The following CPS1 variants were observed in gnomAD, a reference collection of about 807,000 sequenced individuals.
CPS1 encodes carbamoyl-phosphate synthase 1.
CPS1 carries 109 observed loss-of-function variants against 174.6 expected under a neutral mutation model. The ratio of observed to expected loss-of-function variants is 0.62; its 90% CI spans 0.53 to 0.73. The LOEUF (loss-of-function observed/expected upper bound fraction) is 0.73, where lower values mean the gene tolerates loss of function less well. Among genes scored for constraint, CPS1 ranks in the 30% least tolerant of loss-of-function variants. The pLI, the probability that CPS1 is intolerant of heterozygous loss-of-function variation, is 0.00. For missense variants in CPS1, 1,689 were observed against 1,821.9 expected, an observed-to-expected ratio of 0.93 and a Z score of 1.33; for synonymous variants, 637 against 632.0, an observed-to-expected ratio of 1.01 and a Z score of -0.12.
chr2:210,522,865 G>T (rs1695865630), intron 1 of CPS1, among the ~76,000 whole-genome samples: 1 of 151,852 alleles, frequency 6.6e-6, no homozygotes, highest in Non-Finnish European at 1.5e-5. Flanking sequence ...CTGTTGTATT[G>T]GAAATCATTT....
At chr2:210,502,889 G>T (rs972960162) in intron 1 of CPS1, among the ~76,000 whole-genome samples, 17 of 152,132 alleles carry the variant, frequency 1.1e-4, no homozygotes, top group Non-Finnish European at 2.1e-4. Context: ...TGTTTCTCAA[G>T]GCTTGATTCA....
In CPS1 at chr2:210,612,097, G is replaced by T. The variant is rs923150105; in HGVS notation, c.2392-20G>T. 3.1e-6 allele frequency: 5 copies of T among 1,608,556 alleles called. No individual in the cohort carries two copies. On this transcript the variant is annotated intron_variant, in intron 19 of 37. Transcript: ENST00000233072. ...CATAAGCTCTTTCTTTCAATATGAG[G>T]TCTTAAACATGTATTACAGGTCATG...
intron 1 of CPS1, among the ~76,000 whole-genome samples, chr2:210,564,871 T>C (rs1312963044): frequency 6.6e-6 from 1 of 152,008 alleles, no homozygotes; most frequent in Non-Finnish European, 1.5e-5. Flanking sequence ...GCAAAGTGCC[T>C]GTAATCTCAG....
At chr2:210,616,314 C>A in intron 20 of CPS1, 109 bp from the exon 21 acceptor site, 2 of 780,480 alleles carry the variant, frequency 2.6e-6, no homozygotes, top group Non-Finnish European at 4.6e-6. Context: ...AGTCTACAGT[C>A]TCGGGCTCTC....
At chr2:210,500,518 A>G (rs1032353038) in intron 1 of CPS1, among the ~76,000 whole-genome samples, 1 of 152,208 alleles carries the variant, frequency 6.6e-6, no homozygotes, top group Non-Finnish European at 1.5e-5. Context: ...AAATTGGCCA[A>G]AACAAAGGGT....
At chr2:210,554,568 ATATAT>A (rs1233127495), upstream of CPS1, among the ~76,000 whole-genome samples, 3 of 151,840 alleles carry the variant, frequency 2.0e-5, no homozygotes, top group South Asian at 2.1e-4. Context: ...AAGGGAGGAA[ATATAT>A]TATAGTATTC....
At chr2:210,598,956 T>A (rs535442226) in intron 13 of CPS1, among the ~76,000 whole-genome samples, 7 of 152,110 alleles carry the variant, frequency 4.6e-5, no homozygotes, top group Middle Eastern at 3.4e-3. Flanking sequence ...ATTGACCACA[T>A]AATTATAAGC....
Position 210,647,902 on chromosome 2 carries a change from C to A in CPS1, c.3181C>A (p.Pro1061Thr). 6.2e-7 allele frequency: 1 copy of A among 1,614,000 alleles called. No homozygotes were observed. Among genetic ancestry groups the A allele is most frequent in the Non-Finnish European group, 8.5e-7 (1 of 1,179,934 alleles). Residue 1061 changes from proline (P) to threonine (T), a missense_variant, in exon 26 of 38, where the codon CCA (proline) becomes ACA (threonine). Transcript: ENST00000233072. ...GCIISVGGQIPNNLAVPLYKN... is the reference protein window; with the variant it reads ...GCIISVGGQITNNLAVPLYKN... ...CATCATATCAGTTGGAGGCCAGATTCCAAACAACCTGGCAGTTCCTCTATA... is the reference window on the plus strand; with the variant it reads ...CATCATATCAGTTGGAGGCCAGATTACAAACAACCTGGCAGTTCCTCTATA...
chr2:210,571,694 C>G (rs764781644), intron 1 of CPS1, among the ~76,000 whole-genome samples: 1 of 151,918 alleles, frequency 6.6e-6, no homozygotes, highest in Non-Finnish European at 1.5e-5. Flanking sequence ...TGCTTTGGAT[C>G]TAAAAGAGGC....
intron 1 of CPS1, among the ~76,000 whole-genome samples, chr2:210,496,012 A>G (rs1260274956): frequency 6.6e-6 from 1 of 151,800 alleles, no homozygotes; most frequent in Admixed American, 6.6e-5. Flanking sequence ...TCCTTGCTGC[A>G]AAATAAAGGC....
intron 34 of CPS1, chr2:210,673,881 G>C (rs940411611): frequency 6.6e-6 from 1 of 151,896 alleles, no homozygotes; most frequent in Non-Finnish European, 1.5e-5. Context: ...GTTTAATAAG[G>C]TGTGGAGCCT....
intron 34 of CPS1, among the ~76,000 whole-genome samples, chr2:210,669,989 A>G (rs1188547265): frequency 1.3e-5 from 2 of 152,104 alleles, no homozygotes; most frequent in Admixed American, 6.6e-5. Context: ...TTTGATCCCT[A>G]TGAAGTATTT....
intron 1 of CPS1, among the ~76,000 whole-genome samples, 195 bp downstream of exon 1, chr2:210,557,054 A>AT (rs1371923281): frequency 6.6e-6 from 1 of 152,060 alleles, no homozygotes; most frequent in African/African-American, 2.4e-5. Context: ...CATGACAGTA[A>AT]TTTTTACCCA....
chr2:210,498,214 A>T (rs899815900), intron 1 of CPS1, among the ~76,000 whole-genome samples: 2 of 151,838 alleles, frequency 1.3e-5, no homozygotes, highest in South Asian at 4.2e-4. Context: ...AAGATGACAT[A>T]TGTTGTATGT....
At chr2:210,577,772 GAT>G (rs1462528141) in intron 4 of CPS1, among the ~76,000 whole-genome samples, 1 of 152,082 alleles carries the variant, frequency 6.6e-6, no homozygotes, top group African/African-American at 2.4e-5. Flanking sequence ...GGAGGGGTAA[GAT>G]AAAATTTTAG....
At position 210,582,711 on chromosome 2, in the gene CPS1, T is replaced by TGAG. The variant is rs1305588177; in HGVS notation, c.621+4_621+6dup. On this transcript the variant is annotated splice_region_variant and intron_variant, in intron 6 of 37. Coordinates refer to ENST00000233072, the MANE Select transcript of CPS1 (RefSeq NM_001875.5). ...TTGATTGCTGAGGTTTCAACCAAGG[T>TGAG]GAGGGGTTTTCCTTTATATTTTGTA... The TGAG allele has an allele frequency of 6.2e-7, 1 of 1,605,264 alleles. No individual in the cohort carries two copies. The highest frequency in any genetic ancestry group is 2.2e-5 in the East Asian group (1 of 44,806).
At position 210,564,623 on chromosome 2, in the gene CPS1, G is replaced by A. The variant is rs371473376; in HGVS notation, c.126+7764G>A. ...GATCTCCTGACCTTGTGATCCGCCC[G>A]CCTCGGCCTCCCAAAGTGCTGGGAT... On this transcript the variant is annotated intron_variant, in intron 1 of 37. Transcript: ENST00000233072. Among the ~76,000 whole-genome samples, 33 of 152,154 alleles carry A rather than the reference G, an allele frequency of 2.2e-4. No individual in the cohort carries two copies. The South Asian group carries it at 6.0e-3, about 28-fold the overall frequency.
chr2:210,502,727 A>C (rs1449248975), intron 1 of CPS1, among the ~76,000 whole-genome samples: 1 of 152,094 alleles, frequency 6.6e-6, no homozygotes, highest in East Asian at 1.9e-4. Context: ...CTGACCCTTC[A>C]TAGTCTCGTG....
intron 1 of CPS1, among the ~76,000 whole-genome samples, chr2:210,518,058 G>A (rs1695727902): frequency 6.6e-6 from 1 of 152,004 alleles, no homozygotes; most frequent in East Asian, 1.9e-4. Flanking sequence ...GTGCCATATA[G>A]TTTAAGAACC....
Sources: allele counts gnomAD v4.1 joint callset (sites outside exome capture counted in the v4.1 genomes callset), GRCh38; gene constraint gnomAD v4.1.1; transcripts MANE v1.5; gene names NCBI Gene and HGNC (gene_info 2026-07-23, HGNC 2026-07-21).